Variants in NRXN3 observed in about 807,000 individuals in gnomAD.
NRXN3 encodes neurexin III.
NRXN3 carries 32 observed loss-of-function variants against 137.6 expected under a neutral mutation model. The observed-to-expected ratio is 0.23, with a 90% confidence interval of 0.18 to 0.31. The LOEUF is 0.31. Ranked by LOEUF, NRXN3 falls within the 10% of genes least tolerant of loss-of-function variation. The pLI is 1.00. For missense variants in NRXN3, 1,574 were observed against 2,062.5 expected, an observed-to-expected ratio of 0.76 and a Z score of 4.59; for synonymous variants, 798 against 784.5, an observed-to-expected ratio of 1.02 and a Z score of -0.29.
intron 6 of NRXN3, among the ~76,000 whole-genome samples, chr14:78,672,500 G>A (rs2097947163): frequency 6.6e-6 from 1 of 152,206 alleles, no homozygotes; most frequent in South Asian, 2.1e-4. Flanking sequence ...CTATGTGGAT[G>A]CTTCCCTATT....
chr14:79,768,015 G>T (rs551600541), intron 19 of NRXN3, among the ~76,000 whole-genome samples: 1 of 152,308 alleles, frequency 6.6e-6, no homozygotes, highest in African/African-American at 2.4e-5. Context: ...GGTGACAGAC[G>T]GCACCTGGAA....
chr14:78,453,623 G>A (rs1220630852), intron 4 of NRXN3, among the ~76,000 whole-genome samples: 1 of 152,174 alleles, frequency 6.6e-6, no homozygotes, highest in African/African-American at 2.4e-5. Flanking sequence ...CCTCTCAAAA[G>A]ATGTTGAAAT....
At chr14:78,760,034 C>CTTTTTT (rs61320632) in intron 8 of NRXN3, among the ~76,000 whole-genome samples, 14 of 86,728 alleles carry the variant, frequency 1.6e-4, no homozygotes, top group African/African-American at 3.0e-4. Context: ...AGCCTGCAGT[C>CTTTTTT]TTTTTTTTTT....
chr14:79,243,387 G>A (rs1480086369), intron 15 of NRXN3, among the ~76,000 whole-genome samples: 1 of 152,158 alleles, frequency 6.6e-6, no homozygotes, highest in African/African-American at 2.4e-5. Flanking sequence ...TACCTGAGCA[G>A]GGTATTAACT....
intron 4 of NRXN3, among the ~76,000 whole-genome samples, chr14:78,370,054 A>G (rs1597872702): frequency 6.6e-6 from 1 of 152,112 alleles, no homozygotes; most frequent in African/African-American, 2.4e-5. Context: ...TTTATCACCA[A>G]TCCAGCCAAT....
chr14:78,675,347 C>A (rs1184412731), intron 6 of NRXN3, among the ~76,000 whole-genome samples: 1 of 152,162 alleles, frequency 6.6e-6, no homozygotes, highest in African/African-American at 2.4e-5. Flanking sequence ...AGTCTCTAAA[C>A]ATAAAGAAAT....
At chr14:79,588,220 A>G (rs2097776776) in intron 16 of NRXN3, among the ~76,000 whole-genome samples, 2 of 152,186 alleles carry the variant, frequency 1.3e-5, no homozygotes, top group Admixed American at 1.3e-4. Flanking sequence ...TGTCTCTCTA[A>G]TGCTGAACTG....
chr14:78,672,657 A>G (rs1402285546), intron 6 of NRXN3, among the ~76,000 whole-genome samples: 1 of 152,106 alleles, frequency 6.6e-6, no homozygotes. Flanking sequence ...CGCCCACAGG[A>G]CTCTTCCCTC....
At chr14:79,292,992 T>C (rs1449552506) in intron 15 of NRXN3, among the ~76,000 whole-genome samples, 4 of 152,164 alleles carry the variant, frequency 2.6e-5, no homozygotes, top group Non-Finnish European at 5.9e-5. Flanking sequence ...ATAGCTTTTA[T>C]GTGAAATAGG....
chr14:78,795,912 T>C (rs2370874), intron 8 of NRXN3, among the ~76,000 whole-genome samples: 145,473 of 152,312 alleles, frequency 0.96, 69,815 homozygotes, highest in East Asian at 1. Context: ...AGAGGTGTGA[T>C]ATTTAAACTG....
chr14:79,511,123 C>T (rs1172663249), intron 16 of NRXN3, among the ~76,000 whole-genome samples: 1 of 152,118 alleles, frequency 6.6e-6, no homozygotes, highest in African/African-American at 2.4e-5. Context: ...AAAAACGGAC[C>T]CAGCTCTACT....
At chr14:78,768,414 G>T (rs1194670244) in intron 8 of NRXN3, among the ~76,000 whole-genome samples, 1 of 152,088 alleles carries the variant, frequency 6.6e-6, no homozygotes. Flanking sequence ...ACATACTATT[G>T]ATCTAAGACT....
intron 4 of NRXN3, among the ~76,000 whole-genome samples, chr14:78,593,556 C>T (rs78729354): frequency 0.014 from 2,205 of 152,272 alleles, 45 homozygotes; most frequent in East Asian, 0.051. Flanking sequence ...ACTGGAGTCC[C>T]GAGGCTTTTA....
intron 15 of NRXN3, among the ~76,000 whole-genome samples, chr14:79,111,586 A>C (rs2053529121): frequency 6.6e-6 from 1 of 152,242 alleles, no homozygotes; most frequent in South Asian, 2.1e-4. Flanking sequence ...TAAAAATACA[A>C]AAATTAGCCA....
At chr14:79,063,503 C>T (rs796717332) in intron 15 of NRXN3, among the ~76,000 whole-genome samples, 79 of 152,182 alleles carry the variant, frequency 5.2e-4, no homozygotes, top group African/African-American at 1.8e-3. Context: ...AGGCTGGTCT[C>T]GAACTCCTGA....
intron 4 of NRXN3, among the ~76,000 whole-genome samples, chr14:78,376,237 G>T (rs966926888): frequency 2.6e-5 from 4 of 152,148 alleles, no homozygotes; most frequent in African/African-American, 9.7e-5. Context: ...GATGCAGGAT[G>T]GGTATAAAGC....
chr14:79,732,517 T>A (rs2098927776), intron 19 of NRXN3, among the ~76,000 whole-genome samples: 2 of 152,126 alleles, frequency 1.3e-5, no homozygotes, highest in Non-Finnish European at 2.9e-5. Context: ...AAATTTAATT[T>A]GCAACCTAGT....
chr14:78,429,101 A>T (rs1424237583), intron 4 of NRXN3, among the ~76,000 whole-genome samples: 3 of 151,952 alleles, frequency 2.0e-5, no homozygotes, highest in African/African-American at 7.3e-5. Context: ...TTTGAGACAG[A>T]GTCTTGCTCT....
At chr14:78,399,410 A>G (rs1486068659) in intron 4 of NRXN3, among the ~76,000 whole-genome samples, 1 of 152,190 alleles carries the variant, frequency 6.6e-6, no homozygotes, top group Non-Finnish European at 1.5e-5. Flanking sequence ...TGTTTCAAAA[A>G]CACCAAAGCA....
Sources: allele counts gnomAD v4.1 joint callset (sites outside exome capture counted in the v4.1 genomes callset), GRCh38; gene constraint gnomAD v4.1.1; transcripts MANE v1.5; gene names NCBI Gene and HGNC (gene_info 2026-07-23, HGNC 2026-07-21).